Variants in RBMS3 observed in about 807,000 individuals in gnomAD.
RBMS3 encodes RNA-binding motif, single-stranded-interacting protein 3.
In RBMS3, 27 loss-of-function variants were observed where a neutral mutation model predicts 66.8. The observed-to-expected ratio is 0.40, with a 90% CI of 0.30 to 0.56. The LOEUF is 0.56. Among genes scored for constraint, RBMS3 ranks in the 20% least tolerant of loss-of-function variants. The probability of loss-of-function intolerance (pLI) is 0.40; values close to 1 mark genes in which losing one functional copy is unlikely to be tolerated. For synonymous variants in RBMS3, 188 were observed against 183.0 expected, an observed-to-expected ratio of 1.03 and a Z score of -0.22; for missense variants, 513 against 549.5, an observed-to-expected ratio of 0.93 and a Z score of 0.66.
chr3:29,360,780 T>G (rs2037534826), intron 1 of RBMS3, among the ~76,000 whole-genome samples: 1 of 152,124 alleles, frequency 6.6e-6, no homozygotes, highest in African/African-American at 2.4e-5. Flanking sequence ...CTTGTTGAAT[T>G]GATCCCTTTA....
chr3:29,926,693 C>T (rs1271268136), intron 10 of RBMS3: 1 of 152,146 alleles, frequency 6.6e-6, no homozygotes, highest in Admixed American at 6.5e-5. Flanking sequence ...AAACATTTTA[C>T]CAGACAAAAG....
At chr3:29,551,159 C>A (rs1304633903) in intron 3 of RBMS3, among the ~76,000 whole-genome samples, 1 of 152,124 alleles carries the variant, frequency 6.6e-6, no homozygotes, top group Non-Finnish European at 1.5e-5. Context: ...TAAACCTTGT[C>A]ATGGAGGTAA....
intron 12 of RBMS3, among the ~76,000 whole-genome samples, chr3:29,983,691 T>C (rs549930388): frequency 6.6e-6 from 1 of 152,320 alleles, no homozygotes; most frequent in African/African-American, 2.4e-5. Context: ...TTTGGCTGGA[T>C]ATGAAATTCT....
intron 10 of RBMS3, among the ~76,000 whole-genome samples, chr3:29,908,078 G>A (rs1304157891): frequency 6.6e-6 from 1 of 151,800 alleles, no homozygotes; most frequent in African/African-American, 2.4e-5. Flanking sequence ...GCAAAACCTT[G>A]TCCCTACAAA....
chr3:29,488,593 G>A (rs1033650017), intron 3 of RBMS3, 94 bp downstream of exon 3: 5 of 1,122,898 alleles, frequency 4.5e-6, no homozygotes, highest in Non-Finnish European at 6.5e-6. Context: ...GCTGCACAAT[G>A]ATCACAATGC....
intron 5 of RBMS3, among the ~76,000 whole-genome samples, chr3:29,756,274 G>T (rs2055409606): frequency 6.6e-6 from 1 of 152,134 alleles, no homozygotes; most frequent in South Asian, 2.1e-4. Flanking sequence ...AGACTTCACA[G>T]GTGTAAGGGC....
At chr3:29,905,484 A>G (rs568572040) in intron 10 of RBMS3, among the ~76,000 whole-genome samples, 6 of 152,066 alleles carry the variant, frequency 3.9e-5, no homozygotes, top group Non-Finnish European at 7.4e-5. Flanking sequence ...AACAAATTTT[A>G]CCAAAGAAAC....
At chr3:29,951,080 T>C (rs1011109374) in intron 12 of RBMS3, among the ~76,000 whole-genome samples, 2 of 151,916 alleles carry the variant, frequency 1.3e-5, no homozygotes, top group African/African-American at 4.8e-5. Context: ...GTATTTTTAA[T>C]TGTGCTTCTT....
At chr3:29,333,181 G>A (rs2035761522) in intron 1 of RBMS3, among the ~76,000 whole-genome samples, 1 of 152,006 alleles carries the variant, frequency 6.6e-6, no homozygotes, top group African/African-American at 2.4e-5. Context: ...GAGAAATTAA[G>A]GGAAAAGGTT....
chr3:29,639,722 G>T (rs1294618309), intron 4 of RBMS3, among the ~76,000 whole-genome samples: 1 of 151,756 alleles, frequency 6.6e-6, no homozygotes. Context: ...CATATAAATA[G>T]AGAAGCCCAG....
At chr3:29,346,395 T>C (rs554776304) in intron 1 of RBMS3, among the ~76,000 whole-genome samples, 31 of 139,340 alleles carry the variant, frequency 2.2e-4, no homozygotes, top group African/African-American at 7.4e-4. Flanking sequence ...GGCAATTCAT[T>C]CTTTTTTTTT....
intron 6 of RBMS3, among the ~76,000 whole-genome samples, chr3:29,811,304 G>T (rs993556608): frequency 1.3e-5 from 2 of 152,032 alleles, no homozygotes; most frequent in Non-Finnish European, 2.9e-5. Context: ...ACCTGTACTG[G>T]CTCAGCTACC....
chr3:29,289,903 T>C (rs1007403440), intron 1 of RBMS3, among the ~76,000 whole-genome samples: 4 of 151,906 alleles, frequency 2.6e-5, no homozygotes, highest in Admixed American at 1.3e-4. Flanking sequence ...TAGCTGATAA[T>C]TTTCAAGCTG....
At chr3:29,787,978 T>C (rs1183359634) in intron 6 of RBMS3, among the ~76,000 whole-genome samples, 1 of 152,218 alleles carries the variant, frequency 6.6e-6, no homozygotes, top group Admixed American at 6.5e-5. Context: ...TGTGCAGTTA[T>C]TTAAAAATTC....
chr3:29,990,059 A>G (rs1559868496), intron 13 of RBMS3, among the ~76,000 whole-genome samples: 1 of 152,162 alleles, frequency 6.6e-6, no homozygotes, highest in Non-Finnish European at 1.5e-5. Flanking sequence ...ACTCTGATAT[A>G]TTGCCTTGAA....
At chr3:29,439,622 T>C (rs1413008316) in intron 2 of RBMS3, among the ~76,000 whole-genome samples, 1 of 151,892 alleles carries the variant, frequency 6.6e-6, no homozygotes, top group Non-Finnish European at 1.5e-5. Flanking sequence ...TTTATTATTA[T>C]TATACTTTAA....
chr3:29,538,932 A>G (rs558433729), intron 3 of RBMS3, among the ~76,000 whole-genome samples: 24 of 152,338 alleles, frequency 1.6e-4, no homozygotes, highest in Admixed American at 5.2e-4. Context: ...TAAAAGAGCT[A>G]AGGTTATCAC....
intron 6 of RBMS3, among the ~76,000 whole-genome samples, chr3:29,782,794 A>T (rs2056683408): frequency 6.6e-6 from 1 of 152,186 alleles, no homozygotes; most frequent in Admixed American, 6.5e-5. Context: ...GTTACAGGAT[A>T]TGAAAGAAAA....
At chr3:29,810,254 T>A (rs2057692344) in intron 6 of RBMS3, among the ~76,000 whole-genome samples, 1 of 152,118 alleles carries the variant, frequency 6.6e-6, no homozygotes. Context: ...GGTGACCTTT[T>A]AAGCTCTAAC....
Sources: gnomAD v4.1 joint callset for allele counts (sites outside exome capture counted in the v4.1 genomes callset) on GRCh38, gnomAD v4.1.1 for gene constraint, MANE v1.5 for transcripts, NCBI Gene and HGNC (gene_info 2026-07-23, HGNC 2026-07-21) for gene names.